EBF1: variants seen among roughly 807,000 people sequenced by gnomAD.
EBF1 encodes the protein EBF transcription factor 1.
EBF1 carries 10 observed loss-of-function variants against 68.4 expected under a neutral mutation model. That is an observed-to-expected ratio of 0.15 (90% CI 0.09 to 0.25). EBF1 has a LOEUF of 0.25. Ranked by LOEUF, EBF1 falls within the 10% of genes least tolerant of loss-of-function variation. EBF1 has a pLI of 1.00. For synonymous variants in EBF1, 298 were observed against 299.8 expected, an observed-to-expected ratio of 0.99 and a Z score of 0.06; for missense variants, 509 against 794.4, an observed-to-expected ratio of 0.64 and a Z score of 4.32.
chr5:158,910,185 G>T (rs1369891773), intron 6 of EBF1, among the ~76,000 whole-genome samples: 1 of 152,012 alleles, frequency 6.6e-6, no homozygotes, highest in Non-Finnish European at 1.5e-5. Context: ...TTGTCCTCTG[G>T]TCCTCAGTGT....
At chr5:158,813,434 A>AC (rs1476395855) in intron 8 of EBF1, among the ~76,000 whole-genome samples, 4 of 152,124 alleles carry the variant, frequency 2.6e-5, no homozygotes, top group Non-Finnish European at 5.9e-5. Context: ...GGTGAGAGCT[A>AC]CCTAAGGCAC....
At chr5:159,096,305 G>A (rs924349228) in intron 3 of EBF1, 38 bp downstream of exon 3, 1 of 1,603,296 alleles carries the variant, frequency 6.2e-7, no homozygotes, top group African/African-American at 1.3e-5. Context: ...CAGACCCGGA[G>A]CCCCAGGGTG....
At chr5:158,875,704 T>C (rs1356569472) in intron 6 of EBF1, among the ~76,000 whole-genome samples, 1 of 152,262 alleles carries the variant, frequency 6.6e-6, no homozygotes. Context: ...TTGATTTCCC[T>C]GTGCAATGTA....
intron 10 of EBF1, among the ~76,000 whole-genome samples, chr5:158,757,697 C>G (rs183509380): frequency 1.3e-5 from 2 of 152,154 alleles, no homozygotes; most frequent in Non-Finnish European, 2.9e-5. Context: ...AAATGCTGAA[C>G]ACCTCTTTGA....
At chr5:158,715,997 A>G (rs1364123098) in intron 11 of EBF1, among the ~76,000 whole-genome samples, 1 of 151,960 alleles carries the variant, frequency 6.6e-6, no homozygotes, top group Non-Finnish European at 1.5e-5. Flanking sequence ...TTTAGGGGGG[A>G]AAAAGGCAAG....
intron 6 of EBF1, among the ~76,000 whole-genome samples, chr5:159,024,160 C>T (rs1767265993): frequency 6.6e-6 from 1 of 152,048 alleles, no homozygotes; most frequent in Admixed American, 6.6e-5. Context: ...ACTTCACAAA[C>T]CAGTTTCTAG....
chr5:159,020,525 C>G (rs1005217384), intron 6 of EBF1, among the ~76,000 whole-genome samples: 1 of 152,150 alleles, frequency 6.6e-6, no homozygotes, highest in African/African-American at 2.4e-5. Flanking sequence ...ACCACCTCCT[C>G]CCACCTCCTC....
chr5:158,957,648 T>C (rs952271555), intron 6 of EBF1, among the ~76,000 whole-genome samples: 1 of 152,258 alleles, frequency 6.6e-6, no homozygotes, highest in Non-Finnish European at 1.5e-5. Context: ...TTCCATGGCA[T>C]GTGCCTCTTC....
At chr5:158,991,450 C>G (rs188944628) in intron 6 of EBF1, among the ~76,000 whole-genome samples, 1 of 152,106 alleles carries the variant, frequency 6.6e-6, no homozygotes, top group African/African-American at 2.4e-5. Flanking sequence ...GTAAGAGATG[C>G]CTTTGTAGAG....
chr5:159,051,731 T>C (rs957441238), intron 6 of EBF1, among the ~76,000 whole-genome samples: 2 of 151,752 alleles, frequency 1.3e-5, no homozygotes, highest in Admixed American at 1.3e-4. Context: ...AGACACGGGG[T>C]GTTCCTGCTC....
intron 1 of EBF1, 126 bp downstream of exon 1, chr5:159,099,219 G>C (rs948311015): frequency 1.5e-6 from 1 of 658,576 alleles, no homozygotes; most frequent in Admixed American, 4.6e-5. Context: ...AGAGCGGAGC[G>C]CAGCGGCTGC....
intron 6 of EBF1, among the ~76,000 whole-genome samples, chr5:158,885,919 G>A (rs750143471): frequency 3.3e-5 from 5 of 152,194 alleles, no homozygotes; most frequent in African/African-American, 1.2e-4. Context: ...CAAAGTACCT[G>A]TTGAAATTGC....
intron 6 of EBF1, among the ~76,000 whole-genome samples, chr5:158,992,075 C>T (rs923462203): frequency 2.6e-5 from 4 of 151,948 alleles, no homozygotes; most frequent in Non-Finnish European, 4.4e-5. Flanking sequence ...TAAGAGAGAA[C>T]GGATCTGAAA....
intron 6 of EBF1, among the ~76,000 whole-genome samples, chr5:158,994,606 C>A (rs1761046327): frequency 6.6e-6 from 1 of 152,210 alleles, no homozygotes; most frequent in Non-Finnish European, 1.5e-5. Context: ...TTTTGCCTGG[C>A]TTTAACACTT....
chr5:158,832,098 C>A (rs1250719259), intron 7 of EBF1, among the ~76,000 whole-genome samples: 1 of 152,132 alleles, frequency 6.6e-6, no homozygotes, highest in Non-Finnish European at 1.5e-5. Flanking sequence ...CTGGTAAATC[C>A]CAACAACTAT....
At chr5:158,712,026 G>T in intron 14 of EBF1, 128 bp downstream of exon 14, 1 of 1,109,324 alleles carries the variant, frequency 9.0e-7, no homozygotes, top group South Asian at 1.5e-5. Flanking sequence ...ATCACCCAGG[G>T]GAGTGCCTTA....
chr5:158,941,339 A>AGCT, intron 6 of EBF1: 1 of 442,714 alleles, frequency 2.3e-6, no homozygotes, highest in South Asian at 1.6e-5. Flanking sequence ...GCAAGAACCC[A>AGCT]GCTTTTCAGA....
intron 3 of EBF1, 85 bp downstream of exon 3, chr5:159,096,258 G>T: frequency 7.2e-7 from 1 of 1,396,706 alleles, no homozygotes; most frequent in Non-Finnish European, 9.8e-7. Context: ...CTTCGCTGGA[G>T]GATTTCGTCC....
chr5:158,913,114 T>C (rs745421946), intron 6 of EBF1, among the ~76,000 whole-genome samples: 1 of 152,214 alleles, frequency 6.6e-6, no homozygotes, highest in Non-Finnish European at 1.5e-5. Flanking sequence ...CTTAAGCAAT[T>C]ATCCTGTACC....
Sources: allele counts gnomAD v4.1 joint callset (sites outside exome capture counted in the v4.1 genomes callset), GRCh38; gene constraint gnomAD v4.1.1; transcripts MANE v1.5; gene names NCBI Gene and HGNC (gene_info 2026-07-23, HGNC 2026-07-21).